The following ROBO2 variants were observed in gnomAD, a reference collection of about 807,000 sequenced individuals.
The protein encoded by ROBO2 is roundabout homolog 2.
ROBO2 carries 53 observed loss-of-function variants against 160.8 expected under a neutral mutation model. That is an observed-to-expected ratio of 0.33 (90% CI 0.26 to 0.41). The LOEUF is 0.41. Among genes scored for constraint, ROBO2 ranks in the 10% least tolerant of loss-of-function variants. ROBO2 has a pLI of 1.00. For synonymous variants in ROBO2, 664 were observed against 611.7 expected (o/e 1.09, Z -1.26); for missense variants, 1,577 against 1,722.4 (o/e 0.92, Z 1.49).
intron 2 of ROBO2, among the ~76,000 whole-genome samples, chr3:77,368,321 T>G (rs2071231064): frequency 6.6e-6 from 1 of 152,176 alleles, no homozygotes; most frequent in Non-Finnish European, 1.5e-5. Context: ...AAATTTATTA[T>G]TCATGAATAT....
At chr3:77,228,703 G>A (rs536950320) in intron 2 of ROBO2, among the ~76,000 whole-genome samples, 7 of 151,840 alleles carry the variant, frequency 4.6e-5, no homozygotes, top group East Asian at 1.9e-4. Flanking sequence ...AAACCTGCAC[G>A]TTCTGCACAT....
intron 2 of ROBO2, among the ~76,000 whole-genome samples, chr3:76,469,479 T>G (rs2078535970): frequency 1.3e-5 from 2 of 151,978 alleles, no homozygotes; most frequent in South Asian, 4.1e-4. Flanking sequence ...AAATACAAAG[T>G]CTATTAAAAG....
At chr3:77,121,663 G>T (rs2074785754) in intron 2 of ROBO2, among the ~76,000 whole-genome samples, 1 of 152,088 alleles carries the variant, frequency 6.6e-6, no homozygotes, top group African/African-American at 2.4e-5. Flanking sequence ...AAGCCACCAT[G>T]CTCTGTTGAA....
At chr3:77,008,458 A>G (rs1276582377) in intron 2 of ROBO2, among the ~76,000 whole-genome samples, 1 of 152,182 alleles carries the variant, frequency 6.6e-6, no homozygotes, top group African/African-American at 2.4e-5. Context: ...AAGTGGTAAA[A>G]TGTACATCGC....
intron 2 of ROBO2, among the ~76,000 whole-genome samples, chr3:77,355,738 C>T (rs2069016847): frequency 6.6e-6 from 1 of 151,898 alleles, no homozygotes; most frequent in Non-Finnish European, 1.5e-5. Flanking sequence ...TTCATCAAAA[C>T]AAAACATAAC....
chr3:77,483,421 C>G (rs571356854), intron 4 of ROBO2, among the ~76,000 whole-genome samples: 3 of 151,962 alleles, frequency 2.0e-5, no homozygotes, highest in African/African-American at 7.2e-5. Context: ...TATGCTGGTG[C>G]TCCTACATCT....
chr3:76,434,308 T>C (rs2076569917), intron 2 of ROBO2: 2 of 1,089,002 alleles, frequency 1.8e-6, no homozygotes, highest in African/African-American at 3.1e-5. Context: ...CTTTCCAATT[T>C]GTTGGCACCC....
At chr3:76,980,657 A>G (rs2060050098) in intron 2 of ROBO2, among the ~76,000 whole-genome samples, 1 of 152,174 alleles carries the variant, frequency 6.6e-6, no homozygotes, top group Non-Finnish European at 1.5e-5. Context: ...TAATCTTGGT[A>G]ATCTTTTCTT....
intron 2 of ROBO2, among the ~76,000 whole-genome samples, chr3:76,155,212 T>C (rs1244099002): frequency 6.6e-6 from 1 of 152,140 alleles, no homozygotes; most frequent in Non-Finnish European, 1.5e-5. Flanking sequence ...TAAATATTGA[T>C]GGCTTCGATA....
chr3:76,399,164 A>G (rs2077665037), intron 2 of ROBO2, among the ~76,000 whole-genome samples: 1 of 151,714 alleles, frequency 6.6e-6, no homozygotes, highest in South Asian at 2.1e-4. Context: ...AAAGAAACAA[A>G]ATTTTTTATA....
intron 2 of ROBO2, among the ~76,000 whole-genome samples, chr3:76,954,256 A>G (rs1479257579): frequency 1.3e-5 from 2 of 152,110 alleles, no homozygotes; most frequent in African/African-American, 4.8e-5. Context: ...AGATGTCCCA[A>G]TAGGTTTTCT....
At chr3:76,926,786 A>T (rs1414023062) in intron 2 of ROBO2, among the ~76,000 whole-genome samples, 1 of 152,166 alleles carries the variant, frequency 6.6e-6, no homozygotes, top group East Asian at 1.9e-4. Context: ...TGAGTAACTG[A>T]TCTTATCCCA....
At chr3:77,638,920 G>A (rs921563539) in intron 24 of ROBO2, among the ~76,000 whole-genome samples, 9 of 139,128 alleles carry the variant, frequency 6.5e-5, no homozygotes, top group Admixed American at 1.6e-4. Context: ...CCCACCTTCC[G>A]GGTTCAAGCG....
At chr3:76,450,544 G>T (rs2077422199) in intron 2 of ROBO2, among the ~76,000 whole-genome samples, 1 of 152,098 alleles carries the variant, frequency 6.6e-6, no homozygotes, top group Admixed American at 6.6e-5. Context: ...ACCAACTCCT[G>T]CACTCAAGTG....
At chr3:77,188,949 T>TTGTGTGTGTGTGTGTGTGTGTGTG (rs369545817) in intron 2 of ROBO2, among the ~76,000 whole-genome samples, 12 of 142,996 alleles carry the variant, frequency 8.4e-5, no homozygotes, top group Non-Finnish European at 1.2e-4. Flanking sequence ...TTTTGTAATC[T>TTGTGTGTGTGTGTGTGTGTGTGTG]TGTGTGTGTG....
intron 13 of ROBO2, among the ~76,000 whole-genome samples, chr3:77,573,226 G>T (rs369313469): frequency 1.3e-5 from 2 of 151,826 alleles, no homozygotes; most frequent in East Asian, 1.9e-4. Context: ...ATTAAAAGAT[G>T]CTTAATTTTT....
At chr3:76,780,195 T>G (rs78675380) in intron 2 of ROBO2, among the ~76,000 whole-genome samples, 7,468 of 150,918 alleles carry the variant, frequency 0.049, 322 homozygotes, top group East Asian at 0.2. Flanking sequence ...ACAGTTTTTT[T>G]TTTGTTTGTT....
chr3:77,200,428 G>A (rs1236799499), intron 2 of ROBO2, among the ~76,000 whole-genome samples: 1 of 149,890 alleles, frequency 6.7e-6, no homozygotes, highest in Admixed American at 6.7e-5. Flanking sequence ...TTAGAGCCAC[G>A]AAGAAAAACA....
chr3:77,425,695 C>T (rs564187613), intron 2 of ROBO2, among the ~76,000 whole-genome samples: 1 of 148,932 alleles, frequency 6.7e-6, no homozygotes, highest in African/African-American at 2.5e-5. Context: ...GATGGAGTCT[C>T]TCTGTGTCGC....
Sources: allele counts gnomAD v4.1 joint callset (sites outside exome capture counted in the v4.1 genomes callset), GRCh38; gene constraint gnomAD v4.1.1; transcripts MANE v1.5; gene names NCBI Gene and HGNC (gene_info 2026-07-23, HGNC 2026-07-21).